PDE4D: variants seen among roughly 807,000 people sequenced by gnomAD.
The protein encoded by PDE4D is phosphodiesterase 4D, also known as 3',5'-cyclic-AMP phosphodiesterase 4D.
A neutral mutation model predicts 87.4 loss-of-function variants in PDE4D; 24 were observed. The ratio of observed to expected loss-of-function variants is 0.27; its 90% CI spans 0.20 to 0.39. The LOEUF (loss-of-function observed/expected upper bound fraction) is 0.39, where lower values mean the gene tolerates loss of function less well. Among genes scored for constraint, PDE4D ranks in the 10% least tolerant of loss-of-function variants. The pLI is 1.00. For missense variants in PDE4D, 714 were observed against 1,041.0 expected (o/e 0.69, Z 4.32); for synonymous variants, 384 against 383.2 (o/e 1.00, Z -0.02).
chr5:59,146,371 G>T (rs1335285417), intron 5 of PDE4D, among the ~76,000 whole-genome samples: 1 of 151,924 alleles, frequency 6.6e-6, no homozygotes, highest in Non-Finnish European at 1.5e-5. Flanking sequence ...GTTAATAATC[G>T]ATCCTTTCTA....
rs565837746 is a variant in PDE4D at position 60,135,193 on chromosome 5, C to T, written c.42+50364G>A. Reference sequence around the variant, plus strand: ...CCCTTCGCCCCTTTAACCATGTAGACACAACTATAAGGTGCCAACTATGAA... The same window carrying T: ...CCCTTCGCCCCTTTAACCATGTAGATACAACTATAAGGTGCCAACTATGAA... On this transcript the variant is annotated intron_variant, in intron 2 of 16. Coordinates refer to the PDE4D transcript ENST00000502484. Among the ~76,000 whole-genome samples the T allele has an allele frequency of 4.6e-5, 7 of 152,266 alleles. No individual in the cohort carries two copies. In the East Asian group the frequency reaches 1.4e-3, roughly 29 times the overall value.
intron 1 of PDE4D, chr5:59,587,738 C>T (rs1472583033): frequency 5.6e-6 from 2 of 356,466 alleles, no homozygotes; most frequent in Non-Finnish European, 7.8e-6. Flanking sequence ...TCCTTGCTAA[C>T]CTCCAAGTAA....
At chr5:59,306,267 G>T (rs1007848004) in intron 1 of PDE4D, among the ~76,000 whole-genome samples, 2 of 152,144 alleles carry the variant, frequency 1.3e-5, no homozygotes, top group Non-Finnish European at 2.9e-5. Flanking sequence ...TTTACTTTAA[G>T]TTTATGTTGG....
At chr5:59,804,868 T>G (rs796350223) in intron 1 of PDE4D, among the ~76,000 whole-genome samples, 1 of 152,318 alleles carries the variant, frequency 6.6e-6, no homozygotes, top group African/African-American at 2.4e-5. Flanking sequence ...CTCAGCTCAC[T>G]GCAACCTCTG....
chr5:58,983,741 C>T (rs1250381070), intron 11 of PDE4D, among the ~76,000 whole-genome samples: 1 of 152,216 alleles, frequency 6.6e-6, no homozygotes, highest in Admixed American at 6.5e-5. Flanking sequence ...GCAGCTTGCA[C>T]AGCAGGCTGG....
intron 2 of PDE4D, among the ~76,000 whole-genome samples, chr5:60,182,772 C>T (rs1460581341): frequency 1.3e-5 from 2 of 151,774 alleles, no homozygotes; most frequent in African/African-American, 2.4e-5. Flanking sequence ...CCCTGCTACT[C>T]GGGAGGCTGA....
chr5:59,120,695 C>CA (rs376493647), intron 5 of PDE4D, among the ~76,000 whole-genome samples: 7 of 149,380 alleles, frequency 4.7e-5, no homozygotes, highest in Admixed American at 1.3e-4. Flanking sequence ...TCTATGGAAC[C>CA]AAAAAAAAAG....
At chr5:59,046,435 T>G (rs746006840) in intron 5 of PDE4D, among the ~76,000 whole-genome samples, 2 of 151,376 alleles carry the variant, frequency 1.3e-5, no homozygotes, top group Non-Finnish European at 2.9e-5. Flanking sequence ...TGTGTGTGTG[T>G]GTGTGTGTAT....
intron 2 of PDE4D, among the ~76,000 whole-genome samples, chr5:60,082,914 A>T (rs960302998): frequency 6.6e-6 from 1 of 152,002 alleles, no homozygotes; most frequent in African/African-American, 2.4e-5. Context: ...ACACCTTCTG[A>T]TTTCTCAGGT....
Position 60,074,592 on chromosome 5 carries a change from T to C in PDE4D, c.43-85875A>G, listed in dbSNP as rs1773079074. Among the ~76,000 whole-genome samples, 3 of 152,176 alleles carry C rather than the reference T, an allele frequency of 2.0e-5. No homozygotes were observed. In the South Asian group the frequency reaches 6.2e-4, roughly 31 times the overall value. ...ATTTTCTGCCTCAATGATCTAATAC[T>C]GTCAGTGGGGTGTTGAAGTCTCCCA... On this transcript the variant is annotated intron_variant, in intron 2 of 16. Coordinates refer to the PDE4D transcript ENST00000502484.
chr5:59,624,204 C>A (rs1406190164), intron 1 of PDE4D, among the ~76,000 whole-genome samples: 1 of 152,134 alleles, frequency 6.6e-6, no homozygotes, highest in African/African-American at 2.4e-5. Flanking sequence ...TTAATTCTAT[C>A]CCCATTCTAT....
At chr5:60,339,617 A>C (rs543738825) in intron 1 of PDE4D, among the ~76,000 whole-genome samples, 2 of 152,278 alleles carry the variant, frequency 1.3e-5, no homozygotes, top group Non-Finnish European at 2.9e-5. Context: ...TGGTCTTTCT[A>C]ACCTGGATTT....
intron 2 of PDE4D, among the ~76,000 whole-genome samples, chr5:60,049,755 A>G (rs1177921049): frequency 6.6e-6 from 1 of 152,196 alleles, no homozygotes; most frequent in Non-Finnish European, 1.5e-5. Context: ...TGGGAGAACC[A>G]CTGCTCTCTT....
At chr5:59,487,544 CTAGT>C (rs983980301) in intron 1 of PDE4D, among the ~76,000 whole-genome samples, 2 of 152,064 alleles carry the variant, frequency 1.3e-5, no homozygotes, top group African/African-American at 2.4e-5. Flanking sequence ...TATCATTTTC[CTAGT>C]TAGTTATTAG....
intron 1 of PDE4D, among the ~76,000 whole-genome samples, chr5:59,726,687 A>G (rs1043544612): frequency 6.6e-6 from 1 of 152,138 alleles, no homozygotes; most frequent in African/African-American, 2.4e-5. Flanking sequence ...TGCCAACGTA[A>G]TATCGTTTTA....
At chr5:59,941,308 A>G (rs1193018897) in intron 3 of PDE4D, among the ~76,000 whole-genome samples, 2 of 152,156 alleles carry the variant, frequency 1.3e-5, no homozygotes, top group Non-Finnish European at 2.9e-5. Flanking sequence ...TTGGTGAACA[A>G]TTGCTGTGTT....
At chr5:59,882,465 T>C (rs1479589111) in intron 1 of PDE4D, among the ~76,000 whole-genome samples, 1 of 152,196 alleles carries the variant, frequency 6.6e-6, no homozygotes, top group African/African-American at 2.4e-5. Context: ...TACTAGGTAA[T>C]ATTGTTATCA....
At chr5:59,381,468 T>C (rs1400273656) in intron 1 of PDE4D, among the ~76,000 whole-genome samples, 5 of 150,504 alleles carry the variant, frequency 3.3e-5, no homozygotes, top group Non-Finnish European at 7.4e-5. Flanking sequence ...ATATTTGCAA[T>C]TATTTTGAGA....
At chr5:59,444,926 GTAACTCAGAT>G (rs1798141583) in intron 1 of PDE4D, among the ~76,000 whole-genome samples, 1 of 152,166 alleles carries the variant, frequency 6.6e-6, no homozygotes, top group Non-Finnish European at 1.5e-5. Context: ...TTCAAGTTCT[GTAACTCAGAT>G]ACATTTCTTC....
Sources: gnomAD v4.1 joint callset for allele counts (sites outside exome capture counted in the v4.1 genomes callset) on GRCh38, gnomAD v4.1.1 for gene constraint, MANE v1.5 for transcripts, NCBI Gene and HGNC (gene_info 2026-07-23, HGNC 2026-07-21) for gene names.